IL1RAPL1: variants seen among roughly 807,000 people sequenced by gnomAD.
IL1RAPL1 encodes the protein interleukin-1 receptor accessory protein-like 1.
In IL1RAPL1, 3 loss-of-function variants were observed where a neutral mutation model predicts 48.4. The observed-to-expected ratio is 0.06, with a 90% confidence interval of 0.03 to 0.16. The LOEUF (loss-of-function observed/expected upper bound fraction) is 0.16. Among genes scored for constraint, IL1RAPL1 ranks in the 10% least tolerant of loss-of-function variants. The probability of loss-of-function intolerance (pLI) is 1.00; values close to 1 mark genes in which losing one functional copy is unlikely to be tolerated. For missense variants in IL1RAPL1, 349 were observed against 530.6 expected, an observed-to-expected ratio of 0.66 and a Z score of 3.36; for synonymous variants, 185 against 187.7, an observed-to-expected ratio of 0.99 and a Z score of 0.12.
intron 6 of IL1RAPL1, among the ~76,000 whole-genome samples, chrX:29,788,579 A>G (rs1017135803): frequency 9.0e-6 from 1 of 111,682 alleles, no homozygotes; most frequent in African/African-American, 3.2e-5. Flanking sequence ...TTTGATACAC[A>G]TATAAAATGT....
Position 28,743,885 on chromosome X carries a change from G to A in IL1RAPL1, c.-24-45435G>A, listed in dbSNP as rs770777391. Among the ~76,000 whole-genome samples the A allele has an allele frequency of 4.0e-3, 443 of 109,878 alleles. 2 individuals are homozygous for A. The highest frequency in any genetic ancestry group is 0.014 in the African/African-American group (413 of 30,296). On this transcript the variant is annotated intron_variant, in intron 1 of 10. Coordinates refer to ENST00000378993, the MANE Select transcript of IL1RAPL1 (RefSeq NM_014271.4). ...CTGAAATCCCTATACTATTCACTTG[G>A]TCTCATGGCCTCTACAATATCTTGC...
chrX:28,889,334 A>T (rs1452377300), intron 2 of IL1RAPL1, among the ~76,000 whole-genome samples: 1 of 111,600 alleles, frequency 9.0e-6, no homozygotes, highest in Non-Finnish European at 1.9e-5. Context: ...TATATTGAAG[A>T]TTCCATATCT....
chrX:28,775,318 C>T (rs1936352400), intron 1 of IL1RAPL1, among the ~76,000 whole-genome samples: 1 of 112,149 alleles, frequency 8.9e-6, no homozygotes, highest in South Asian at 3.7e-4. Flanking sequence ...TTTCTTGCCT[C>T]TTCCTGGTTT....
At chrX:29,778,575 T>C (rs1283534782) in intron 6 of IL1RAPL1, among the ~76,000 whole-genome samples, 1 of 111,996 alleles carries the variant, frequency 8.9e-6, no homozygotes, top group East Asian at 2.8e-4. Context: ...CCCTGTCTCT[T>C]TTTCTTTCAC....
chrX:29,054,329 C>T (rs771883361), intron 2 of IL1RAPL1, among the ~76,000 whole-genome samples: 1 of 111,365 alleles, frequency 9.0e-6, no homozygotes, highest in Non-Finnish European at 1.9e-5. Context: ...TCAGAGTTTG[C>T]TCCCTCACTT....
intron 2 of IL1RAPL1, among the ~76,000 whole-genome samples, chrX:29,116,513 T>C (rs1220613936): frequency 9.0e-6 from 1 of 111,383 alleles, no homozygotes; most frequent in African/African-American, 3.3e-5. Context: ...AAGAATGAGA[T>C]TTTTGAACCA....
chrX:29,411,419 C>A (rs1602222386), intron 5 of IL1RAPL1, among the ~76,000 whole-genome samples: 1 of 111,958 alleles, frequency 8.9e-6, no homozygotes, highest in East Asian at 2.8e-4. Flanking sequence ...ATTTTGATTT[C>A]ATTCAATTTT....
chrX:28,642,894 ATTT>A (rs1171717621), intron 1 of IL1RAPL1, among the ~76,000 whole-genome samples: 1 of 104,317 alleles, frequency 9.6e-6, no homozygotes, highest in Non-Finnish European at 2.0e-5. Context: ...TTTTGAAAAG[ATTT>A]TTTTTTTTTT....
At chrX:28,764,298 T>G (rs911975253) in intron 1 of IL1RAPL1, among the ~76,000 whole-genome samples, 2 of 112,097 alleles carry the variant, frequency 1.8e-5, no homozygotes, top group Admixed American at 1.9e-4. Flanking sequence ...TAGCTAATCT[T>G]GTCGCACCTG....
intron 2 of IL1RAPL1, among the ~76,000 whole-genome samples, chrX:29,053,463 C>G (rs1223696299): frequency 8.9e-6 from 1 of 111,983 alleles, no homozygotes; most frequent in Non-Finnish European, 1.9e-5. Context: ...CACTGCTTTC[C>G]ACAATGGATG....
intron 2 of IL1RAPL1, among the ~76,000 whole-genome samples, chrX:29,194,868 A>G (rs915356558): frequency 4.6e-5 from 5 of 108,539 alleles, no homozygotes; most frequent in Non-Finnish European, 9.6e-5. Context: ...CATTGTCATT[A>G]CTTTTTTTTT....
chrX:29,112,186 A>C (rs1208361982), intron 2 of IL1RAPL1, among the ~76,000 whole-genome samples: 1 of 111,279 alleles, frequency 9.0e-6, no homozygotes, highest in Non-Finnish European at 1.9e-5. Context: ...TCGGCCTCCC[A>C]AAGTGATGGG....
At chrX:29,326,694 G>A (rs1932844720) in intron 3 of IL1RAPL1, among the ~76,000 whole-genome samples, 2 of 111,858 alleles carry the variant, frequency 1.8e-5, no homozygotes, top group South Asian at 7.5e-4. Context: ...CTTGGAAGTA[G>A]TGATTTTACA....
intron 5 of IL1RAPL1, among the ~76,000 whole-genome samples, chrX:29,400,485 C>A (rs1301702814): frequency 1.8e-5 from 2 of 111,781 alleles, no homozygotes; most frequent in Admixed American, 1.9e-4. Flanking sequence ...ATAAGAACAA[C>A]ATTCAGAAAT....
At chrX:29,545,183 CTA>C (rs1569335515) in intron 5 of IL1RAPL1, among the ~76,000 whole-genome samples, 6 of 4,514 alleles carry the variant, frequency 1.3e-3, no homozygotes, top group Non-Finnish European at 2.5e-3. Flanking sequence ...CTAATCCTAT[CTA>C]TCTATCTATC....
At chrX:28,889,030 A>T (rs896597787) in intron 2 of IL1RAPL1, among the ~76,000 whole-genome samples, 15 of 111,398 alleles carry the variant, frequency 1.3e-4, no homozygotes, top group African/African-American at 4.5e-4. Flanking sequence ...ACTCAGGTTT[A>T]AAAAAGTAAG....
chrX:29,783,663 A>G (rs1270749122), intron 6 of IL1RAPL1, among the ~76,000 whole-genome samples: 1 of 111,918 alleles, frequency 8.9e-6, no homozygotes, highest in East Asian at 2.8e-4. Context: ...CTGTCATAAA[A>G]TACTATCTCC....
chrX:28,777,617 C>T (rs149842113), intron 1 of IL1RAPL1, among the ~76,000 whole-genome samples: 2,633 of 111,364 alleles, frequency 0.024, 81 homozygotes, highest in African/African-American at 0.081. Context: ...CGCTGAGTAA[C>T]GCTGGGGTGA....
intron 2 of IL1RAPL1, among the ~76,000 whole-genome samples, chrX:29,259,473 A>T (rs73460458): frequency 1.7e-4 from 19 of 111,129 alleles, no homozygotes; most frequent in African/African-American, 6.2e-4. Flanking sequence ...ACATTTAGGG[A>T]TTTAGTATAT....
Sources: gnomAD v4.1 joint callset for allele counts (sites outside exome capture counted in the v4.1 genomes callset) on GRCh38, gnomAD v4.1.1 for gene constraint, MANE v1.5 for transcripts, NCBI Gene and HGNC (gene_info 2026-07-23, HGNC 2026-07-21) for gene names.